ADAM10: variants seen among roughly 807,000 people sequenced by gnomAD.
ADAM10 encodes the protein ADAM metallopeptidase domain 10.
A neutral mutation model predicts 90.1 loss-of-function variants in ADAM10; 17 were observed. The observed-to-expected ratio is 0.19, with a 90% CI of 0.13 to 0.28. ADAM10 has a LOEUF of 0.28. Ranked by LOEUF, ADAM10 falls within the 10% of genes least tolerant of loss-of-function variation. ADAM10 has a pLI of 1.00. For missense variants in ADAM10, 610 were observed against 914.3 expected, an observed-to-expected ratio of 0.67 and a Z score of 4.29; for synonymous variants, 310 against 298.6, an observed-to-expected ratio of 1.04 and a Z score of -0.40.
At chr15:58,659,766 T>C (rs1274818885) in intron 5 of ADAM10, among the ~76,000 whole-genome samples, 1 of 152,162 alleles carries the variant, frequency 6.6e-6, no homozygotes, top group Admixed American at 6.5e-5. Flanking sequence ...TCTCACTCTG[T>C]CGCCCAGGCT....
At chr15:58,660,159 C>T (rs1267893339) in intron 5 of ADAM10, among the ~76,000 whole-genome samples, 1 of 152,112 alleles carries the variant, frequency 6.6e-6, no homozygotes, top group Non-Finnish European at 1.5e-5. Context: ...TGACCCAAAT[C>T]CAAAACAATT....
chr15:58,746,469 A>G (rs1207529263), intron 1 of ADAM10, among the ~76,000 whole-genome samples: 4 of 152,212 alleles, frequency 2.6e-5, no homozygotes, highest in African/African-American at 9.6e-5. Context: ...CCTTCCTACA[A>G]CTACAACATA....
At chr15:58,647,246 G>GTTTTTTTTTTTTTTTTTTTTT (rs1323960397) in intron 5 of ADAM10, among the ~76,000 whole-genome samples, 6 of 36,848 alleles carry the variant, frequency 1.6e-4, no homozygotes, top group Admixed American at 8.6e-4. Flanking sequence ...TAGACACTAA[G>GTTTTTTTTTTTTTTTTTTTTT]TATTTTTTTT....
chr15:58,693,039 C>A (rs768769341), intron 2 of ADAM10: 2 of 760,888 alleles, frequency 2.6e-6, no homozygotes, highest in South Asian at 2.7e-5. Flanking sequence ...CATAGCGAAT[C>A]TTGTCTAAGG....
chr15:58,726,593 G>C (rs200591714), intron 1 of ADAM10, among the ~76,000 whole-genome samples: 3 of 42,264 alleles, frequency 7.1e-5, no homozygotes, highest in Non-Finnish European at 1.5e-4. Flanking sequence ...AAAAAAAAAA[G>C]TATATTACTC....
intron 1 of ADAM10, among the ~76,000 whole-genome samples, chr15:58,720,671 G>A (rs528661461): frequency 1.3e-5 from 2 of 152,204 alleles, no homozygotes; most frequent in Admixed American, 6.5e-5. Flanking sequence ...AAAGTGCTGG[G>A]ATTACAGGCA....
At chr15:58,727,944 T>G (rs1038418834) in intron 1 of ADAM10, among the ~76,000 whole-genome samples, 5 of 152,166 alleles carry the variant, frequency 3.3e-5, no homozygotes, top group Non-Finnish European at 7.3e-5. Flanking sequence ...TAACTAGAGT[T>G]GGAAATCATA....
intron 2 of ADAM10, among the ~76,000 whole-genome samples, chr15:58,687,581 TAAA>T (rs58319754): frequency 2.3e-5 from 3 of 129,144 alleles, no homozygotes; most frequent in African/African-American, 5.3e-5. Context: ...TAATTAATCA[TAAA>T]AAAAAAAAAG....
chr15:58,699,227 G>T (rs574423560), intron 2 of ADAM10, among the ~76,000 whole-genome samples: 1 of 152,238 alleles, frequency 6.6e-6, no homozygotes, highest in African/African-American at 2.4e-5. Flanking sequence ...GAGAAATAAA[G>T]TCCTTACTAC....
rs1476396015 is a variant in ADAM10, at chr15:58,611,080, A to G, written c.1723T>C (p.Tyr575His). The part of the protein sequence containing the change: ...GQCAGSICEK[Y>H]GLEECTCASS... The stretch of plus-strand genomic sequence containing the variant: ...GCACACGTACACTCCTCTAAGCCAT[A>G]TTTCTCACAGATAGAACCTGCACAT... Residue 575 changes from tyrosine (Y) to histidine (H), a missense_variant, in exon 13 of 16, where the codon TAT becomes CAT. Physicochemically the swap from Tyr to His is moderately conservative, Grantham distance 83. Transcript: ENST00000260408. The G allele has an allele frequency of 3.1e-6, 5 of 1,613,728 alleles. No individual in the cohort carries two copies. In the African/African-American group the frequency reaches 6.7e-5, roughly 22 times the overall value.
At chr15:58,679,383 C>A in intron 3 of ADAM10, 101 bp from the exon 4 acceptor site, 1 of 974,014 alleles carries the variant, frequency 1.0e-6, no homozygotes, top group Non-Finnish European at 1.6e-6. Context: ...TACACACATG[C>A]ATACATATAT....
intron 2 of ADAM10, among the ~76,000 whole-genome samples, chr15:58,709,381 G>T (rs1898401672): frequency 6.6e-6 from 1 of 152,062 alleles, no homozygotes; most frequent in African/African-American, 2.4e-5. Flanking sequence ...TTTTCTACTA[G>T]GCATATACGT....
At chr15:58,712,975 C>T (rs1233913987) in intron 2 of ADAM10, among the ~76,000 whole-genome samples, 1 of 152,146 alleles carries the variant, frequency 6.6e-6, no homozygotes, top group Admixed American at 6.5e-5. Context: ...TCCTGCATCC[C>T]ACAATATGAC....
chr15:58,646,189 GTTC>G lies in ADAM10; in HGVS notation c.598_600del (p.Glu200del), dbSNP rs1566978707. On this transcript the variant is annotated inframe_deletion, in exon 6 of 16. Transcript: ENST00000260408. ...AGAAGTTCTGGACCATTAGCAGCAT[GTTC>G]TTCTTGAGGTATCTATACATCAAAA... is the stretch of plus-strand genomic sequence containing the variant. 6.2e-7 allele frequency: 1 copy of G among 1,612,850 alleles called. No individual in the cohort carries two copies. Among genetic ancestry groups the G allele is most frequent in the South Asian group, 1.1e-5 (1 of 91,052 alleles).
In ADAM10 at chr15:58,697,470, G is replaced by A. The variant is rs149197738; in HGVS notation, c.207-15156C>T. On this transcript the variant is annotated intron_variant, in intron 2 of 15. Transcript: ENST00000260408. ...GGTCTACCCAGCCCCCTCCACCACCGTTAACATGTGAACACTTCTCCTAGG... is the reference window on the plus strand; with the variant it reads ...GGTCTACCCAGCCCCCTCCACCACCATTAACATGTGAACACTTCTCCTAGG... Among the ~76,000 whole-genome samples, 237 of 152,082 alleles carry A rather than the reference G, an allele frequency of 1.6e-3. 1 individual carries two copies. Among genetic ancestry groups the A allele is most frequent in the African/African-American group, 2.2e-3 (93 of 41,480 alleles).
intron 1 of ADAM10, chr15:58,732,382 CCAACCCTCATACTT>C (rs1389996820): frequency 6.6e-6 from 1 of 152,180 alleles, no homozygotes; most frequent in East Asian, 1.9e-4. Context: ...GGCTCCACCT[CCAACCCTCATACTT>C]TAAAGAGGTC....
chr15:58,653,630 T>A lies in ADAM10; in HGVS notation c.586-7426A>T, dbSNP rs149050213. ...ATTCAGTTTGCTAGTATTTTGTTGA[T>A]AATTTTTCTACCAATATGCATGAGA... On this transcript the variant is annotated intron_variant, in intron 5 of 15. Transcript: ENST00000260408. Among the ~76,000 whole-genome samples, 138 of 152,292 alleles carry A rather than the reference T, an allele frequency of 9.1e-4. 1 individual carries two copies. In the East Asian group the frequency reaches 0.022, roughly 25 times the overall value.
intron 14 of ADAM10, chr15:58,609,949 C>T (rs1312479562): frequency 3.7e-6 from 1 of 273,746 alleles, no homozygotes; most frequent in African/African-American, 2.2e-5. Flanking sequence ...ACGATTTGGG[C>T]AAATAAGTTG....
rs200247666 is a variant in ADAM10, at chr15:58,597,362, A to T, written c.*185T>A. 5 of 1,541,682 alleles carry T rather than the reference A, an allele frequency of 3.2e-6. No individual in the cohort carries two copies. Among genetic ancestry groups the T allele is most frequent in the South Asian group, 1.2e-5 (1 of 82,480 alleles). ...GTTCCTTTTCCACCTCCCACCCCCA[A>T]ATTGGAATTTTCAGGCTTTAAAATT... On this transcript the variant is annotated 3_prime_UTR_variant, in exon 16 of 16. Coordinates refer to ENST00000260408, the MANE Select transcript of ADAM10 (RefSeq NM_001110.4).
Sources: gnomAD v4.1 joint callset for allele counts (sites outside exome capture counted in the v4.1 genomes callset) on GRCh38, gnomAD v4.1.1 for gene constraint, MANE v1.5 for transcripts, NCBI Gene and HGNC (gene_info 2026-07-23, HGNC 2026-07-21) for gene names.